WDR41: variants seen among roughly 807,000 people sequenced by gnomAD.
WDR41 encodes WD repeat-containing protein 41.
A neutral mutation model predicts 69.3 loss-of-function variants in WDR41; 63 were observed. The ratio of observed to expected loss-of-function variants is 0.91; its 90% CI spans 0.74 to 1.12. The LOEUF (loss-of-function observed/expected upper bound fraction) is 1.12. WDR41 is among the 50% of genes most tolerant of loss of function. The pLI is 0.00. For missense variants in WDR41, 543 were observed against 534.5 expected, an observed-to-expected ratio of 1.02 and a Z score of -0.16; for synonymous variants, 185 against 192.1, an observed-to-expected ratio of 0.96 and a Z score of 0.31.
At chr5:77,564,723 C>T (rs2112263024) in intron 1 of WDR41, among the ~76,000 whole-genome samples, 1 of 152,228 alleles carries the variant, frequency 6.6e-6, no homozygotes, top group South Asian at 2.1e-4. Flanking sequence ...CCCAGTGACC[C>T]TAAAATCCTT....
At chr5:77,542,330 C>T (rs960094312) in intron 1 of WDR41, among the ~76,000 whole-genome samples, 55 of 152,008 alleles carry the variant, frequency 3.6e-4, no homozygotes, top group African/African-American at 1.3e-3. Context: ...GGGTGCTGGG[C>T]TTAATACGTA....
At chr5:77,573,247 TTCTC>T (rs139734736) in intron 1 of WDR41, among the ~76,000 whole-genome samples, 4,215 of 150,376 alleles carry the variant, frequency 0.028, 157 homozygotes, top group African/African-American at 0.089. Flanking sequence ...TACTACCAGA[TTCTC>T]TCTCTCTCTC....
At chr5:77,508,779 A>C (rs1336065450) in intron 1 of WDR41, among the ~76,000 whole-genome samples, 1 of 149,622 alleles carries the variant, frequency 6.7e-6, no homozygotes, top group South Asian at 2.1e-4. Context: ...TTGCTAAACT[A>C]TTTTAGTGGT....
intron 1 of WDR41, among the ~76,000 whole-genome samples, chr5:77,536,860 C>G (rs1561217665): frequency 6.6e-6 from 1 of 152,154 alleles, no homozygotes. Flanking sequence ...TCAGAACATA[C>G]TCCTGTCATT....
chr5:77,473,824 G>A (rs1250975662), intron 2 of WDR41, among the ~76,000 whole-genome samples: 1 of 152,194 alleles, frequency 6.6e-6, no homozygotes, highest in Non-Finnish European at 1.5e-5. Flanking sequence ...TGGAGAAACA[G>A]GAACACTTTT....
In WDR41 at chr5:77,587,112, C is replaced by A. The variant is rs531161437; in HGVS notation, c.42+33367G>T. On this transcript the variant is annotated intron_variant, in intron 1 of 5. Coordinates refer to the WDR41 transcript ENST00000509971. ...GTACCCCCAAAGCTTCTCTCTTGCCCCTTCTCAGTGATTGCTCCCCCAAAC... is the reference window on the plus strand; with the variant it reads ...GTACCCCCAAAGCTTCTCTCTTGCCACTTCTCAGTGATTGCTCCCCCAAAC... 3.3e-4 allele frequency among the ~76,000 whole-genome samples: 48 copies of A among 144,280 alleles called. 2 individuals are homozygous for A. In the South Asian group the frequency reaches 0.01, roughly 30 times the overall value. The allele number at this position is 144,280 out of a possible 152,430, so 94.7% of individuals were successfully genotyped here.
At chr5:77,518,916 C>A (rs910526868) in intron 1 of WDR41, among the ~76,000 whole-genome samples, 1 of 151,996 alleles carries the variant, frequency 6.6e-6, no homozygotes, top group Admixed American at 6.6e-5. Context: ...TTCTTTGCGA[C>A]CTCCAATAAA....
intron 1 of WDR41, among the ~76,000 whole-genome samples, chr5:77,505,976 G>A (rs1446956059): frequency 2.0e-5 from 3 of 152,094 alleles, no homozygotes; most frequent in Non-Finnish European, 4.4e-5. Flanking sequence ...CATAGGCATG[G>A]GCAAGGACTT....
chr5:77,582,265 C>A, intron 1 of WDR41: 1 of 1,030,550 alleles, frequency 9.7e-7, no homozygotes, highest in Non-Finnish European at 1.4e-6. Context: ...CTAAAAGACA[C>A]AAATTACCAA....
In WDR41 at chr5:77,439,097, T is replaced by C. The variant is rs548651726; in HGVS notation, c.883-736A>G. The stretch of plus-strand genomic sequence containing the variant: ...AGTCAATATTAGAATCAAGGTCATG[T>C]TACTCCAGTCCCTTGCTCATTCCTC... On this transcript the variant is annotated intron_variant, in intron 9 of 12. Coordinates refer to ENST00000296679, the MANE Select transcript of WDR41 (RefSeq NM_018268.4). 3.3e-5 allele frequency among the ~76,000 whole-genome samples: 5 copies of C among 152,304 alleles called. No homozygotes were observed. In the East Asian group the frequency reaches 7.7e-4, roughly 24 times the overall value.
At chr5:77,463,758 C>T (rs1386806465) in intron 3 of WDR41, among the ~76,000 whole-genome samples, 1 of 152,198 alleles carries the variant, frequency 6.6e-6, no homozygotes, top group Non-Finnish European at 1.5e-5. Context: ...CCAGTGTCTT[C>T]ATCCATCAGT....
chr5:77,507,450 C>T (rs1024902842), intron 1 of WDR41, among the ~76,000 whole-genome samples: 1 of 152,232 alleles, frequency 6.6e-6, no homozygotes. Flanking sequence ...CTTGTTGTCT[C>T]GTGTCATCAT....
chr5:77,533,912 C>A (rs957062996), intron 1 of WDR41, among the ~76,000 whole-genome samples: 2 of 152,126 alleles, frequency 1.3e-5, no homozygotes, highest in Admixed American at 6.6e-5. Context: ...ACTGCATCTT[C>A]CTTTGCAAAT....
chr5:77,593,544 C>G (rs564180684), intron 1 of WDR41, among the ~76,000 whole-genome samples: 1 of 152,016 alleles, frequency 6.6e-6, no homozygotes, highest in Non-Finnish European at 1.5e-5. Flanking sequence ...TACATAAGAA[C>G]ACAAGAAAAT....
chr5:77,510,018 T>C (rs1011413240), intron 1 of WDR41, among the ~76,000 whole-genome samples: 14 of 152,158 alleles, frequency 9.2e-5, no homozygotes, highest in Non-Finnish European at 1.8e-4. Flanking sequence ...CCCCTCCCCC[T>C]TTCCTAAACC....
intron 1 of WDR41, among the ~76,000 whole-genome samples, chr5:77,512,935 C>G (rs1470713738): frequency 6.6e-6 from 1 of 152,042 alleles, no homozygotes; most frequent in Non-Finnish European, 1.5e-5. Flanking sequence ...GATGCCTTTT[C>G]TCTTAGGAAG....
chr5:77,587,748 C>T lies in WDR41; in HGVS notation c.42+32731G>A, dbSNP rs561366285. 6.2e-4 allele frequency among the ~76,000 whole-genome samples: 95 copies of T among 152,152 alleles called. 1 individual carries two copies. Among genetic ancestry groups the T allele is most frequent in the African/African-American group, 2.0e-3 (85 of 41,504 alleles). Reference sequence around the variant, plus strand: ...TTAAAATGAGGATGTTAAGGTGTATCCTAATATATTAATATGACTGGTGTC... The same window carrying T: ...TTAAAATGAGGATGTTAAGGTGTATTCTAATATATTAATATGACTGGTGTC... On this transcript the variant is annotated intron_variant, in intron 1 of 5. Coordinates refer to the WDR41 transcript ENST00000509971.
chr5:77,528,220 A>G (rs1193961531), intron 1 of WDR41, among the ~76,000 whole-genome samples: 3 of 151,754 alleles, frequency 2.0e-5, no homozygotes, highest in South Asian at 2.1e-4. Flanking sequence ...ATATATAGAA[A>G]AGAATAAATT....
At chr5:77,523,124 G>A (rs186163950) in intron 1 of WDR41, among the ~76,000 whole-genome samples, 1 of 152,012 alleles carries the variant, frequency 6.6e-6, no homozygotes, top group Non-Finnish European at 1.5e-5. Context: ...GACCAACCTG[G>A]CCAACATAGT....
Sources: allele counts gnomAD v4.1 joint callset (sites outside exome capture counted in the v4.1 genomes callset), GRCh38; gene constraint gnomAD v4.1.1; transcripts MANE v1.5; gene names NCBI Gene and HGNC (gene_info 2026-07-23, HGNC 2026-07-21).